CTTN: variants seen among roughly 807,000 people sequenced by gnomAD.
CTTN encodes src substrate cortactin.
In CTTN, 28 loss-of-function variants were observed where a neutral mutation model predicts 84.0. The observed-to-expected ratio is 0.33, with a 90% CI of 0.25 to 0.46. The LOEUF (loss-of-function observed/expected upper bound fraction) is 0.46, where lower values mean the gene tolerates loss of function less well. Ranked by LOEUF, CTTN falls within the 20% of genes least tolerant of loss-of-function variation. The pLI is 1.00. For missense variants in CTTN, 641 were observed against 723.8 expected (o/e 0.89, Z 1.31); for synonymous variants, 301 against 288.8 (o/e 1.04, Z -0.43).
At position 70,419,823 on chromosome 11, in the gene CTTN, C is replaced by A. The variant is rs769315862; in HGVS notation, c.646C>A (p.Gln216Lys). Residue 216 changes from glutamine (Q) to lysine (K), a missense_variant, in exon 9 of 18, where the codon CAA becomes AAA. Gln to Lys is a moderately conservative substitution (Grantham distance 53). Coordinates refer to ENST00000301843, the MANE Select transcript of CTTN (RefSeq NM_005231.4). ...VDKSAVGFEY[Q>K]GKTEKHESQK... is the part of the protein sequence containing the mutation. ...TAAGAGCGCCGTTGGCTTTGAGTAT[C>A]AAGGCAAAACGGAGAAGCACGAGTC... is the stretch of plus-strand genomic sequence containing the variant. 3 of 1,613,238 alleles carry A rather than the reference C, an allele frequency of 1.9e-6. No individual in the cohort carries two copies. Among genetic ancestry groups the A allele is most frequent in the Non-Finnish European group, 2.5e-6 (3 of 1,179,872 alleles).
At chr11:70,403,429 C>T (rs111980454) in intron 1 of CTTN, among the ~76,000 whole-genome samples, 7,924 of 152,062 alleles carry the variant, frequency 0.052, 735 homozygotes, top group African/African-American at 0.18. Flanking sequence ...CCTAGTAATC[C>T]GCCCGCCTCG....
chr11:70,418,242 GCGGC>G, intron 8 of CTTN, among the ~76,000 whole-genome samples: 1 of 152,202 alleles, frequency 6.6e-6, no homozygotes, highest in Non-Finnish European at 1.5e-5. Flanking sequence ...GTAGTTTGTC[GCGGC>G]CTGGCCTGGC....
At chr11:70,400,684 G>T (rs1355723296) in intron 1 of CTTN, among the ~76,000 whole-genome samples, 8 of 152,248 alleles carry the variant, frequency 5.3e-5, no homozygotes, top group South Asian at 2.1e-4. Context: ...TCTGTGCCAC[G>T]CAGTAGGTGC....
Position 70,436,055 on chromosome 11 carries a change from T to G in CTTN, c.*893T>G. On this transcript the variant is annotated 3_prime_UTR_variant, in exon 18 of 18. Transcript: ENST00000301843. ...GTGTGCCATGTCACAGCATGGCCTCTCGGCCTTGGGAAGGAAGGCAGTGCC... is the reference window on the plus strand; with the variant it reads ...GTGTGCCATGTCACAGCATGGCCTCGCGGCCTTGGGAAGGAAGGCAGTGCC... The G allele has an allele frequency of 7.0e-6, 10 of 1,426,188 alleles. No homozygotes were observed. The highest frequency in any genetic ancestry group is 9.1e-6 in the Non-Finnish European group (10 of 1,096,000). The allele number at this position is 1,426,188 out of a possible 1,614,324, so 88.3% of individuals were successfully genotyped here.
chr11:70,426,804 G>A (rs1191587860), intron 13 of CTTN, among the ~76,000 whole-genome samples: 2 of 151,742 alleles, frequency 1.3e-5, no homozygotes, highest in Non-Finnish European at 2.9e-5. Context: ...GTTTCACCGT[G>A]TTAGCCAGGA....
intron 1 of CTTN, among the ~76,000 whole-genome samples, chr11:70,399,767 C>T (rs146374275): frequency 6.6e-6 from 1 of 152,164 alleles, no homozygotes; most frequent in Non-Finnish European, 1.5e-5. Flanking sequence ...CTGAAGGAAG[C>T]TCCGGAGGCA....
intron 2 of CTTN, among the ~76,000 whole-genome samples, chr11:70,405,564 A>T (rs763727564): frequency 5.9e-5 from 9 of 152,040 alleles, no homozygotes; most frequent in African/African-American, 9.7e-5. Flanking sequence ...ATTGCAGAAA[A>T]CTCTGGAATT....
At chr11:70,409,552 C>A (rs1439448696) in intron 4 of CTTN, among the ~76,000 whole-genome samples, 1 of 152,144 alleles carries the variant, frequency 6.6e-6, no homozygotes, top group Non-Finnish European at 1.5e-5. Flanking sequence ...TCAGTAGAGC[C>A]ATCTTTAGCG....
intron 5 of CTTN, among the ~76,000 whole-genome samples, chr11:70,413,290 C>A (rs954064494): frequency 6.6e-6 from 1 of 152,192 alleles, no homozygotes; most frequent in Non-Finnish European, 1.5e-5. Flanking sequence ...CCCGATGTGC[C>A]GTGGACTTTC....
chr11:70,420,750 C>A (rs2135578226), intron 10 of CTTN, among the ~76,000 whole-genome samples: 1 of 152,260 alleles, frequency 6.6e-6, no homozygotes, highest in Non-Finnish European at 1.5e-5. Flanking sequence ...AAGTGGGTTG[C>A]ACGGGCCAAG....
In CTTN at chr11:70,435,326, T is replaced by C. The variant is rs553093996; in HGVS notation, c.*164T>C. 1.1e-5 allele frequency: 16 copies of C among 1,454,936 alleles called. No individual in the cohort carries two copies. In the Middle Eastern group the frequency reaches 6.8e-4, roughly 62 times the overall value. The allele number at this position is 1,454,936 out of a possible 1,614,324, so 90.1% of individuals were successfully genotyped here. ...ACATTGCTTTTATATTTAATACTTT[T>C]GCTGATGCTTTTGAAAATGTTTATG... On this transcript the variant is annotated 3_prime_UTR_variant, in exon 18 of 18. Transcript: ENST00000301843.
intron 12 of CTTN, 33 bp from the exon 13 acceptor site, chr11:70,425,299 T>A: frequency 6.3e-7 from 1 of 1,577,348 alleles, no homozygotes; most frequent in Non-Finnish European, 8.7e-7. Context: ...AAGAGAAAAG[T>A]GCTCTCCTGA....
At chr11:70,412,910 A>G (rs1052911374) in intron 5 of CTTN, among the ~76,000 whole-genome samples, 13 of 152,356 alleles carry the variant, frequency 8.5e-5, no homozygotes, top group African/African-American at 2.6e-4. Flanking sequence ...TCTTTAGATC[A>G]GTTTTCCTGT....
At chr11:70,398,859 G>A (rs936798355) in intron 1 of CTTN, among the ~76,000 whole-genome samples, 1 of 151,822 alleles carries the variant, frequency 6.6e-6, no homozygotes, top group Non-Finnish European at 1.5e-5. Flanking sequence ...CGGGCAGGGG[G>A]CAAGGGGGCA....
chr11:70,417,043 G>T lies in CTTN; in HGVS notation c.488G>T (p.Gly163Val). The T allele has an allele frequency of 6.2e-7, 1 of 1,614,216 alleles. No homozygotes were observed. Among genetic ancestry groups the T allele is most frequent in the Non-Finnish European group, 8.5e-7 (1 of 1,180,046 alleles). Residue 163 changes from glycine to valine, a missense_variant, in exon 8 of 18, where the codon GGC becomes GTC. Gly to Val is a moderately radical substitution (Grantham distance 109). Coordinates refer to ENST00000301843, the MANE Select transcript of CTTN (RefSeq NM_005231.4). The part of the protein sequence containing the change: ...DYSSGFGGKY[G>V]VQADRVDKSA... ...TCCAGTGGTTTTGGCGGCAAGTATG[G>T]CGTGCAGGCCGACCGAGTAGACAAG... is the stretch of plus-strand genomic sequence containing the variant.
chr11:70,419,631 G>A, intron 8 of CTTN, 115 bp from the exon 9 acceptor site: 4 of 737,350 alleles, frequency 5.4e-6, no homozygotes, highest in Non-Finnish European at 6.9e-6. Context: ...GTATTATTCA[G>A]TGGTCCTACA....
At chr11:70,431,590 G>A (rs2058354373) in intron 15 of CTTN, among the ~76,000 whole-genome samples, 1 of 152,114 alleles carries the variant, frequency 6.6e-6, no homozygotes. Context: ...AGATGGGGGT[G>A]TCTTCACCCC....
At chr11:70,418,487 C>T (rs965008640) in intron 8 of CTTN, among the ~76,000 whole-genome samples, 1 of 152,254 alleles carries the variant, frequency 6.6e-6, no homozygotes. Context: ...CTCTCCCAGG[C>T]CTTGATCCTC....
chr11:70,422,961 G>T lies in CTTN; in HGVS notation c.923G>T (p.Gly308Val). 2 of 1,614,118 alleles carry T rather than the reference G, an allele frequency of 1.2e-6. No homozygotes were observed. The highest frequency in any genetic ancestry group is 1.7e-6 in the Non-Finnish European group (2 of 1,180,024). Residue 308 changes from glycine (G) to valine (V), a missense_variant, in exon 12 of 18, where the codon GGG (glycine) becomes GTG (valine). Around this residue, in one of 3 missense-constraint regions of CTTN, gnomAD observed 289 missense variants for 273.1 expected, o/e 1.06. Coordinates refer to ENST00000301843, the MANE Select transcript of CTTN (RefSeq NM_005231.4). ...SQQDYSKGFG[G>V]KYGVQKDRMD... The stretch of plus-strand genomic sequence containing the variant: ...TCAGACTACTCCAAAGGATTCGGCG[G>T]GAAGTATGGGGTGCAGAAGGATCGG...
Sources: allele counts gnomAD v4.1 joint callset (sites outside exome capture counted in the v4.1 genomes callset), GRCh38; gene constraint gnomAD v4.1.1; regional missense constraint gnomAD v4.1.1; transcripts MANE v1.5; gene names NCBI Gene and HGNC (gene_info 2026-07-23, HGNC 2026-07-21).